CHD7: variants seen among roughly 807,000 people sequenced by gnomAD.
CHD7 encodes ATP-dependent chromatin remodeler CHD7.
Under a neutral mutation model 307.3 loss-of-function variants are expected in CHD7, and 24 were observed. That is an observed-to-expected ratio of 0.08 (90% CI 0.06 to 0.11). The LOEUF is 0.11. Ranked by LOEUF, CHD7 falls within the 10% of genes least tolerant of loss-of-function variation. The pLI is 1.00. For missense variants in CHD7, 3,106 were observed against 3,727.1 expected (o/e 0.83, Z 4.34); for synonymous variants, 1,363 against 1,349.9 (o/e 1.01, Z -0.21).
At chr8:60,830,256 T>A in intron 14 of CHD7, 66 bp from the exon 15 acceptor site, 1 of 1,456,340 alleles carries the variant, frequency 6.9e-7, no homozygotes, top group Non-Finnish European at 9.4e-7. Context: ...TGATGTTTCA[T>A]GTTAAAATAT....
intron 34 of CHD7, among the ~76,000 whole-genome samples, chr8:60,860,380 A>C (rs1291301514): frequency 6.6e-6 from 1 of 152,212 alleles, no homozygotes; most frequent in Non-Finnish European, 1.5e-5. Flanking sequence ...TAAATTTTTT[A>C]CCTAATTACT....
Position 60,824,030 on chromosome 8 carries a change from T to C in CHD7, c.3378+14T>C, listed in dbSNP as rs948706436. The C allele has an allele frequency of 1.9e-6, 3 of 1,608,234 alleles. No homozygotes were observed. The highest frequency in any genetic ancestry group is 1.3e-5 in the African/African-American group (1 of 74,820). Reference sequence around the variant, plus strand: ...ATGATGGACTTGGTCAGTGACCATATTGGTGATTGCACTGAACCTGAATAG... The same window carrying C: ...ATGATGGACTTGGTCAGTGACCATACTGGTGATTGCACTGAACCTGAATAG... On this transcript the variant is annotated intron_variant, in intron 13 of 37. Transcript: ENST00000423902.
At position 60,795,133 on chromosome 8, in the gene CHD7, A is replaced by G. The variant is rs886042205; in HGVS notation, c.2238+6A>G. ...ATGAGGACCCAGGTGTTCAGGTAAT[A>G]CAATTATTGTGATTCCCGAGCCTTG... On this transcript the variant is annotated splice_donor_region_variant and intron_variant, in intron 4 of 37. Transcript: ENST00000423902. 1.2e-6 allele frequency: 2 copies of G among 1,609,094 alleles called. No individual in the cohort carries two copies. The highest frequency in any genetic ancestry group is 2.7e-5 in the African/African-American group (2 of 74,538).
At chr8:60,844,829 C>T (rs904631263) in intron 21 of CHD7, 35 bp from the exon 22 acceptor site, 1 of 1,513,450 alleles carries the variant, frequency 6.6e-7, no homozygotes, top group Non-Finnish European at 8.9e-7. Flanking sequence ...TCAAAACTCA[C>T]AGGCACCTCT....
intron 15 of CHD7, among the ~76,000 whole-genome samples, chr8:60,831,228 TAAG>T (rs1804506872): frequency 1.3e-5 from 2 of 152,064 alleles, no homozygotes. Flanking sequence ...CAAAGGTAAA[TAAG>T]AAGGGAGCAT....
intron 31 of CHD7, 104 bp downstream of exon 31, chr8:60,853,604 T>TA: frequency 2.2e-6 from 2 of 903,620 alleles, no homozygotes; most frequent in Non-Finnish European, 3.3e-6. Context: ...GAGTACTTAG[T>TA]GTACATTTTC....
chr8:60,845,173 G>C, intron 22 of CHD7, 77 bp from the exon 23 acceptor site: 1 of 1,570,286 alleles, frequency 6.4e-7, no homozygotes, highest in Non-Finnish European at 8.7e-7. Context: ...TCCCTGCCTC[G>C]TGCATTAAGC....
chr8:60,789,880 C>T (rs562327787), intron 3 of CHD7, among the ~76,000 whole-genome samples: 22 of 152,210 alleles, frequency 1.4e-4, no homozygotes, highest in Non-Finnish European at 2.8e-4. Context: ...ATATACTGCT[C>T]TCTGAATATA....
intron 1 of CHD7, among the ~76,000 whole-genome samples, chr8:60,704,983 T>C (rs1191110814): frequency 6.6e-6 from 1 of 152,192 alleles, no homozygotes; most frequent in East Asian, 1.9e-4. Context: ...CACCAACATG[T>C]AGGCTTTCTA....
chr8:60,857,987 G>T (rs1805790605), intron 34 of CHD7, among the ~76,000 whole-genome samples: 1 of 152,224 alleles, frequency 6.6e-6, no homozygotes, highest in Non-Finnish European at 1.5e-5. Flanking sequence ...CGGGCATGGT[G>T]GCTCACGCCT....
chr8:60,856,503 A>G lies in CHD7; in HGVS notation c.7223A>G (p.Glu2408Gly). Reference sequence around the variant, plus strand: ...CGGAGGAGGAGGAGGAGAAAAATCGAAATTGAGGCCGAAAGAGCTGCCAAG... The same window carrying G: ...CGGAGGAGGAGGAGGAGAAAAATCGGAATTGAGGCCGAAAGAGCTGCCAAG... ...RQRRRRRRKI[E>G]IEAERAAKRR... The change falls in exon 34 of 38, where the codon GAA becomes GGA. Residue 2408 changes from glutamate (E) to glycine (G), a missense_variant. Glu to Gly is a moderately conservative substitution (Grantham distance 98). This residue lies in a region of CHD7 where 1,030 missense variants were observed against 1,165.4 expected (regional missense o/e 0.88). Coordinates refer to ENST00000423902, the MANE Select transcript of CHD7 (RefSeq NM_017780.4). 6.2e-7 allele frequency: 1 copy of G among 1,613,886 alleles called. No individual in the cohort carries two copies. The highest frequency in any genetic ancestry group is 1.1e-5 in the South Asian group (1 of 91,070).
intron 13 of CHD7, chr8:60,824,957 T>A (rs567934552): frequency 6.6e-5 from 10 of 152,344 alleles, no homozygotes; most frequent in African/African-American, 2.4e-4. Flanking sequence ...GTTTATATAG[T>A]GGTTATGATC....
chr8:60,726,559 C>T (rs1244166220), intron 1 of CHD7, among the ~76,000 whole-genome samples: 4 of 152,208 alleles, frequency 2.6e-5, no homozygotes, highest in African/African-American at 9.7e-5. Flanking sequence ...TGCTAATTAT[C>T]TACAAAGTAC....
At chr8:60,840,164 G>T (rs1025179410) in intron 19 of CHD7, among the ~76,000 whole-genome samples, 1 of 152,182 alleles carries the variant, frequency 6.6e-6, no homozygotes, top group Non-Finnish European at 1.5e-5. Flanking sequence ...TGTGTATGGT[G>T]TGAGGTAGGG....
intron 32 of CHD7, chr8:60,855,287 C>G (rs1360913555): frequency 6.6e-6 from 1 of 152,224 alleles, no homozygotes; most frequent in African/African-American, 2.4e-5. Context: ...CCCTGTTATG[C>G]TAACCTCCTT....
rs527919231 is a variant in CHD7, at chr8:60,682,623, A to G, written c.-175+3541A>G. On this transcript the variant is annotated intron_variant, in intron 1 of 37. Transcript: ENST00000423902. ...TTCAGCAAACCTTGGCAAGCCTTCC[A>G]TGGTTAAAACAATAAAAGGCAGTAC... is the stretch of plus-strand genomic sequence containing the variant. Among the ~76,000 whole-genome samples the G allele has an allele frequency of 3.9e-5, 6 of 152,348 alleles. No homozygotes were observed. In the East Asian group the frequency reaches 9.6e-4, roughly 24 times the overall value.
chr8:60,866,803 T>G lies in CHD7; in HGVS notation c.*870T>G, dbSNP rs946036285. On this transcript the variant is annotated 3_prime_UTR_variant, in exon 38 of 38. Coordinates refer to ENST00000423902, the MANE Select transcript of CHD7 (RefSeq NM_017780.4). ...TTTCTTTGTTGTGATGTCCTTTTAT[T>G]TTTTTCTTTGAAAACTGCTATCATG... is the stretch of plus-strand genomic sequence containing the variant. 1.3e-5 allele frequency: 2 copies of G among 152,624 alleles called. No homozygotes were observed. Among genetic ancestry groups the G allele is most frequent in the Non-Finnish European group, 2.9e-5 (2 of 68,022 alleles). 9.5% of individuals were successfully genotyped at this position (152,624 alleles called of 1,614,324 possible).
intron 34 of CHD7, among the ~76,000 whole-genome samples, chr8:60,860,425 G>A (rs1012468752): frequency 3.3e-5 from 5 of 152,028 alleles, no homozygotes; most frequent in East Asian, 1.9e-4. Context: ...TAAAAGTTTC[G>A]TCTTCTTCTT....
chr8:60,684,713 T>A (rs1411400851), intron 1 of CHD7, among the ~76,000 whole-genome samples: 1 of 152,170 alleles, frequency 6.6e-6, no homozygotes, highest in East Asian at 1.9e-4. Context: ...TGGTCAGGGC[T>A]TTCAGGATAT....
Sources: allele counts gnomAD v4.1 joint callset (sites outside exome capture counted in the v4.1 genomes callset), GRCh38; gene constraint gnomAD v4.1.1; regional missense constraint gnomAD v4.1.1; transcripts MANE v1.5; gene names NCBI Gene and HGNC (gene_info 2026-07-23, HGNC 2026-07-21).